Variants in TMEM178B observed in about 807,000 individuals in gnomAD.
TMEM178B encodes transmembrane protein 178B.
Under a neutral mutation model 31.0 loss-of-function variants are expected in TMEM178B, and 5 were observed. The observed-to-expected ratio is 0.16, with a 90% CI of 0.08 to 0.34. TMEM178B has a LOEUF of 0.34. TMEM178B is among the 10% of genes least tolerant of loss of function. The pLI, the probability that TMEM178B is intolerant of heterozygous loss-of-function variation, is 1.00. For synonymous variants in TMEM178B, 164 were observed against 164.0 expected (o/e 1.00, Z 0.00); for missense variants, 275 against 400.3 (o/e 0.69, Z 2.67).
intron 2 of TMEM178B, among the ~76,000 whole-genome samples, chr7:141,433,834 C>T (rs1445500983): frequency 6.6e-6 from 1 of 152,212 alleles, no homozygotes; most frequent in Non-Finnish European, 1.5e-5. Context: ...GCTGTTCATG[C>T]ACGGCTCTGG....
At chr7:141,328,942 G>T (rs1799245761) in intron 2 of TMEM178B, among the ~76,000 whole-genome samples, 1 of 152,122 alleles carries the variant, frequency 6.6e-6, no homozygotes. Context: ...TGAGAATCAG[G>T]TCTTATGACT....
chr7:141,179,343 G>GA (rs1246404823), intron 1 of TMEM178B, among the ~76,000 whole-genome samples: 5 of 152,090 alleles, frequency 3.3e-5, no homozygotes, highest in Admixed American at 2.6e-4. Context: ...TTTGCCAATG[G>GA]AAAAAAATGG....
rs577581195 is a variant in TMEM178B, at chr7:141,345,454, G to T, written c.497-92154G>T. On this transcript the variant is annotated intron_variant, in intron 2 of 3. Coordinates refer to ENST00000565468, the MANE Select transcript of TMEM178B (RefSeq NM_001195278.2). ...TGTTTTGGTTTTGTTTGTCCTCATCGTTATAGTACTAGTCTCTTTCTTTGC... is the reference window on the plus strand; with the variant it reads ...TGTTTTGGTTTTGTTTGTCCTCATCTTTATAGTACTAGTCTCTTTCTTTGC... Among the ~76,000 whole-genome samples, 9 of 152,240 alleles carry T rather than the reference G, an allele frequency of 5.9e-5. No homozygotes were observed. The South Asian group carries it at 1.9e-3, about 32-fold the overall frequency.
the TMEM178B span, among the ~76,000 whole-genome samples, chr7:141,508,987 T>C: frequency 6.6e-6 from 1 of 152,250 alleles, no homozygotes; most frequent in Non-Finnish European, 1.5e-5. Context: ...TGAGGTATTT[T>C]GCATGTGGTT....
At chr7:141,096,784 T>G (rs1333977093) in intron 1 of TMEM178B, among the ~76,000 whole-genome samples, 1 of 152,148 alleles carries the variant, frequency 6.6e-6, no homozygotes, top group African/African-American at 2.4e-5. Flanking sequence ...AACCTTAACT[T>G]CAAGGTAGTC....
At chr7:141,164,946 T>A (rs1796236021) in intron 1 of TMEM178B, among the ~76,000 whole-genome samples, 1 of 152,106 alleles carries the variant, frequency 6.6e-6, no homozygotes, top group South Asian at 2.1e-4. Context: ...TAGGAAGAAA[T>A]GGGAAGGGTA....
At chr7:141,377,983 C>A (rs984510556) in intron 2 of TMEM178B, among the ~76,000 whole-genome samples, 1 of 152,168 alleles carries the variant, frequency 6.6e-6, no homozygotes, top group Non-Finnish European at 1.5e-5. Flanking sequence ...ATTCAGATTT[C>A]ATCCCTTTTC....
Position 141,113,659 on chromosome 7 carries a change from C to T in TMEM178B, c.382+38967C>T, listed in dbSNP as rs1168984981. Reference sequence around the variant, plus strand: ...CCGTGCATCTGTTTCTCTGGGGGTTCCTCTTGATGTCTACCTTGCAGTGAG... The same window carrying T: ...CCGTGCATCTGTTTCTCTGGGGGTTTCTCTTGATGTCTACCTTGCAGTGAG... On this transcript the variant is annotated intron_variant, in intron 1 of 3. Transcript: ENST00000565468. Among the ~76,000 whole-genome samples, 4 of 152,162 alleles carry T rather than the reference C, an allele frequency of 2.6e-5. No individual in the cohort carries two copies. The East Asian group carries it at 7.7e-4, about 29-fold the overall frequency.
intron 2 of TMEM178B, chr7:141,351,972 C>A (rs1277036389): frequency 6.6e-6 from 1 of 152,664 alleles, no homozygotes; most frequent in Non-Finnish European, 1.5e-5. Context: ...CCACCCACCA[C>A]CACGATGCCA....
the TMEM178B span, among the ~76,000 whole-genome samples, chr7:141,488,900 T>C: frequency 2.6e-5 from 4 of 151,696 alleles, no homozygotes; most frequent in Non-Finnish European, 5.9e-5. Context: ...AAATTTAATT[T>C]TTTTCCCCCG....
intron 2 of TMEM178B, among the ~76,000 whole-genome samples, chr7:141,315,455 C>T (rs1798984974): frequency 6.6e-6 from 1 of 152,156 alleles, no homozygotes; most frequent in Admixed American, 6.5e-5. Flanking sequence ...TTGCTAGTTT[C>T]CTTGTCTAGA....
At chr7:141,212,242 C>T (rs1563119059) in intron 1 of TMEM178B, among the ~76,000 whole-genome samples, 1 of 152,182 alleles carries the variant, frequency 6.6e-6, no homozygotes, top group Non-Finnish European at 1.5e-5. Context: ...ATCCTGCTGT[C>T]TGCTGGTCCC....
intron 1 of TMEM178B, among the ~76,000 whole-genome samples, chr7:141,200,634 G>A (rs933089375): frequency 1.3e-5 from 2 of 152,122 alleles, no homozygotes; most frequent in Non-Finnish European, 2.9e-5. Flanking sequence ...TGGTGATGCC[G>A]GCAGAGTGAA....
chr7:141,153,465 T>C (rs1029608169), intron 1 of TMEM178B, among the ~76,000 whole-genome samples: 4 of 152,234 alleles, frequency 2.6e-5, no homozygotes, highest in African/African-American at 9.6e-5. Flanking sequence ...AATAGACTGC[T>C]TGAGGATAAA....
chr7:141,294,090 G>C (rs217025), intron 2 of TMEM178B, among the ~76,000 whole-genome samples: 22,664 of 152,112 alleles, frequency 0.15, 2,239 homozygotes, highest in African/African-American at 0.27. Flanking sequence ...TTGCCACTTG[G>C]TGGTAAGGGA....
At chr7:141,276,929 A>G (rs1798276674) in intron 2 of TMEM178B, among the ~76,000 whole-genome samples, 1 of 152,222 alleles carries the variant, frequency 6.6e-6, no homozygotes, top group Admixed American at 6.5e-5. Flanking sequence ...ATAGTACAGT[A>G]AAAACATGGT....
chr7:141,459,141 T>C (rs531892131), intron 3 of TMEM178B, among the ~76,000 whole-genome samples: 2 of 152,358 alleles, frequency 1.3e-5, no homozygotes, highest in East Asian at 3.9e-4. Flanking sequence ...GCAATTCTCC[T>C]GCCTCAGCCT....
chr7:141,501,068 A>G, the TMEM178B span, among the ~76,000 whole-genome samples: 1 of 152,214 alleles, frequency 6.6e-6, no homozygotes, highest in African/African-American at 2.4e-5. Flanking sequence ...TCTCTAAAGC[A>G]TCTACATCTT....
In TMEM178B at chr7:141,473,462, G is replaced by C. The variant is rs1483350822; in HGVS notation, c.*2676G>C. ...ACTTTTTGTAAGTAATCATGTTTGA[G>C]GATGCTGGCTCACAGACCTATCATT... On this transcript the variant is annotated 3_prime_UTR_variant, in exon 4 of 4. Coordinates refer to ENST00000565468, the MANE Select transcript of TMEM178B (RefSeq NM_001195278.2). 6.6e-6 allele frequency: 1 copy of C among 152,134 alleles called. No homozygotes were observed. The highest frequency in any genetic ancestry group is 1.5e-5 in the Non-Finnish European group (1 of 68,030). The allele number at this position is 152,134 out of a possible 1,614,324, so 9.4% of individuals were successfully genotyped here.
Sources: gnomAD v4.1 joint callset for allele counts (sites outside exome capture counted in the v4.1 genomes callset) on GRCh38, gnomAD v4.1.1 for gene constraint, MANE v1.5 for transcripts, NCBI Gene and HGNC (gene_info 2026-07-23, HGNC 2026-07-21) for gene names.